PPP3CA: variants seen among roughly 807,000 people sequenced by gnomAD.
PPP3CA encodes the protein protein phosphatase 3 catalytic subunit alpha.
In PPP3CA, 14 loss-of-function variants were observed where a neutral mutation model predicts 66.5. The ratio of observed to expected loss-of-function variants is 0.21; its 90% CI spans 0.14 to 0.33. PPP3CA has a LOEUF of 0.33. Among genes scored for constraint, PPP3CA ranks in the 10% least tolerant of loss-of-function variants. The pLI is 1.00. For synonymous variants in PPP3CA, 232 were observed against 226.2 expected (o/e 1.03, Z -0.23); for missense variants, 317 against 639.5 (o/e 0.50, Z 5.44).
At chr4:101,191,392 A>C (rs1724598221) in intron 2 of PPP3CA, among the ~76,000 whole-genome samples, 1 of 152,138 alleles carries the variant, frequency 6.6e-6, no homozygotes, top group South Asian at 2.1e-4. Flanking sequence ...TTATAATATA[A>C]TCACTTTTTT....
chr4:101,224,229 T>C (rs1578569309), intron 1 of PPP3CA, among the ~76,000 whole-genome samples: 1 of 151,766 alleles, frequency 6.6e-6, no homozygotes, highest in East Asian at 1.9e-4. Context: ...ACAGGACATA[T>C]GGCCACTCTA....
At chr4:101,345,067 C>T (rs1237442082) in intron 1 of PPP3CA, among the ~76,000 whole-genome samples, 2 of 152,102 alleles carry the variant, frequency 1.3e-5, no homozygotes. Context: ...TCCATGCCTG[C>T]AGGAAAAATA....
At position 101,278,136 on chromosome 4, in the gene PPP3CA, A is replaced by ATAAAAT. The variant is rs1400201070; in HGVS notation, c.58+68602_58+68603insATTTTA. On this transcript the variant is annotated intron_variant, in intron 1 of 13. Transcript: ENST00000394854. The stretch of plus-strand genomic sequence containing the variant: ...AAAGCTATTAGTAAAAAAAAAAAAA[A>ATAAAAT]AAATAAAAAAATTAAAAAGTTATTT... Among the ~76,000 whole-genome samples, 73 of 145,916 alleles carry ATAAAAT rather than the reference A, an allele frequency of 5.0e-4. 1 individual carries two copies. Among genetic ancestry groups the ATAAAAT allele is most frequent in the African/African-American group, 1.9e-3 (68 of 36,756 alleles).
intron 1 of PPP3CA, among the ~76,000 whole-genome samples, chr4:101,329,735 A>C (rs1216322867): frequency 2.0e-5 from 3 of 152,144 alleles, no homozygotes; most frequent in Non-Finnish European, 4.4e-5. Context: ...AATTATGCTA[A>C]ATCTACTCTG....
At chr4:101,043,824 G>A (rs1050874988) in intron 10 of PPP3CA, among the ~76,000 whole-genome samples, 1 of 152,014 alleles carries the variant, frequency 6.6e-6, no homozygotes, top group African/African-American at 2.4e-5. Context: ...GCGGTGAGCC[G>A]AGATTGTGCC....
chr4:101,160,816 A>G (rs1396403982), intron 2 of PPP3CA, among the ~76,000 whole-genome samples: 1 of 152,140 alleles, frequency 6.6e-6, no homozygotes, highest in Non-Finnish European at 1.5e-5. Context: ...CAAATTGGTA[A>G]TAAGGGGCTA....
At chr4:101,050,563 A>G (rs1456184502) in intron 10 of PPP3CA, among the ~76,000 whole-genome samples, 1 of 152,162 alleles carries the variant, frequency 6.6e-6, no homozygotes, top group African/African-American at 2.4e-5. Context: ...CGCAACAACC[A>G]CATGGAGATG....
chr4:101,074,266 T>C (rs1473198176), intron 8 of PPP3CA, among the ~76,000 whole-genome samples: 1 of 152,184 alleles, frequency 6.6e-6, no homozygotes, highest in South Asian at 2.1e-4. Flanking sequence ...GGGTATAGAT[T>C]CCACTTTCCT....
intron 1 of PPP3CA, chr4:101,250,406 A>G: frequency 2.2e-6 from 1 of 452,968 alleles, no homozygotes; most frequent in Admixed American, 2.4e-5. Flanking sequence ...AGTATTTCAT[A>G]TGTTGCCATA....
At chr4:101,190,241 G>C (rs1287225950) in intron 2 of PPP3CA, among the ~76,000 whole-genome samples, 1 of 152,040 alleles carries the variant, frequency 6.6e-6, no homozygotes, top group Non-Finnish European at 1.5e-5. Context: ...AAAAGAATTA[G>C]AGCATTATTA....
chr4:101,104,322 G>A (rs1327940151), intron 3 of PPP3CA, among the ~76,000 whole-genome samples: 1 of 152,130 alleles, frequency 6.6e-6, no homozygotes, highest in Non-Finnish European at 1.5e-5. Context: ...TAAAACAACA[G>A]TATCATACTC....
At chr4:101,282,374 A>T (rs1166217129) in intron 1 of PPP3CA, among the ~76,000 whole-genome samples, 1 of 152,196 alleles carries the variant, frequency 6.6e-6, no homozygotes, top group Non-Finnish European at 1.5e-5. Flanking sequence ...ACTACAATTC[A>T]TGTTAGATAC....
intron 10 of PPP3CA, among the ~76,000 whole-genome samples, chr4:101,057,009 A>T (rs1005235264): frequency 6.6e-6 from 1 of 152,102 alleles, no homozygotes; most frequent in African/African-American, 2.4e-5. Flanking sequence ...ATTAAATGCT[A>T]GGACTCCTGA....
intron 2 of PPP3CA, among the ~76,000 whole-genome samples, chr4:101,122,994 A>G (rs1722078306): frequency 1.3e-5 from 2 of 152,192 alleles, no homozygotes; most frequent in South Asian, 4.1e-4. Context: ...TGACTTCTTC[A>G]AGACAATTAT....
At chr4:101,027,796 A>G (rs1467669270) in intron 13 of PPP3CA, among the ~76,000 whole-genome samples, 1 of 152,180 alleles carries the variant, frequency 6.6e-6, no homozygotes, top group African/African-American at 2.4e-5. Flanking sequence ...TGTAGCTAGA[A>G]CAATGGATAC....
At chr4:101,317,472 C>A (rs1351727288) in intron 1 of PPP3CA, among the ~76,000 whole-genome samples, 2 of 152,014 alleles carry the variant, frequency 1.3e-5, no homozygotes, top group Admixed American at 6.6e-5. Flanking sequence ...TCTAAAAATT[C>A]TTTATCTGGT....
At position 101,347,377 on chromosome 4, in the gene PPP3CA, C is replaced by T. The variant is rs977087464; in HGVS notation, c.-581G>A. The T allele has an allele frequency of 3.1e-4, 55 of 180,172 alleles. No homozygotes were observed. Among genetic ancestry groups the T allele is most frequent in the Non-Finnish European group, 6.2e-4 (54 of 87,436 alleles). The allele number at this position is 180,172 out of a possible 1,614,324, so 11.2% of individuals were successfully genotyped here. A position where few individuals can be genotyped will look rare whatever the true frequency, so the allele number is the denominator to read the frequency against. ...GTTGCTGCTGCCGCTGCCCCTGCTTCTCCACACAGAGCGCCGCCGCTGGTG... is the reference window on the plus strand; with the variant it reads ...GTTGCTGCTGCCGCTGCCCCTGCTTTTCCACACAGAGCGCCGCCGCTGGTG... On this transcript the variant is annotated 5_prime_UTR_variant, in exon 1 of 14. Coordinates refer to ENST00000394854, the MANE Select transcript of PPP3CA (RefSeq NM_000944.5).
Position 101,225,764 on chromosome 4 carries a change from C to T in PPP3CA, c.59-29648G>A, listed in dbSNP as rs117943941. Reference sequence around the variant, plus strand: ...ATGATGACTACTAATAGGAAAAGAACGACTTTCCTTTTTCTTCTCTAAAAC... The same window carrying T: ...ATGATGACTACTAATAGGAAAAGAATGACTTTCCTTTTTCTTCTCTAAAAC... On this transcript the variant is annotated intron_variant, in intron 1 of 13. Coordinates refer to ENST00000394854, the MANE Select transcript of PPP3CA (RefSeq NM_000944.5). Among the ~76,000 whole-genome samples, 495 of 151,818 alleles carry T rather than the reference C, an allele frequency of 3.3e-3. 4 individuals are homozygous for T. The highest frequency in any genetic ancestry group is 0.02 in the Middle Eastern group (6 of 294).
At chr4:101,330,420 A>G in intron 1 of PPP3CA, 2 of 533,716 alleles carry the variant, frequency 3.7e-6, no homozygotes, top group South Asian at 2.8e-5. Flanking sequence ...CCAATACTAC[A>G]TACATTTAGC....
Sources: allele counts gnomAD v4.1 joint callset (sites outside exome capture counted in the v4.1 genomes callset), GRCh38; gene constraint gnomAD v4.1.1; transcripts MANE v1.5; gene names NCBI Gene and HGNC (gene_info 2026-07-23, HGNC 2026-07-21).